The following PGR variants were observed in gnomAD, a reference collection of about 807,000 sequenced individuals.
PGR encodes progesterone receptor.
Under a neutral mutation model 76.1 loss-of-function variants are expected in PGR, and 25 were observed. That is an observed-to-expected ratio of 0.33 (90% CI 0.24 to 0.46). The LOEUF is 0.46. PGR is among the 20% of genes least tolerant of loss of function. The pLI, the probability that PGR is intolerant of heterozygous loss-of-function variation, is 1.00. For missense variants in PGR, 1,172 were observed against 1,225.3 expected, an observed-to-expected ratio of 0.96 and a Z score of 0.65; for synonymous variants, 579 against 535.0, an observed-to-expected ratio of 1.08 and a Z score of -1.14.
chr11:101,080,500 A>C (rs1007025134), intron 3 of PGR, among the ~76,000 whole-genome samples: 33 of 151,870 alleles, frequency 2.2e-4, no homozygotes, highest in African/African-American at 7.0e-4. Context: ...ACCCACATGA[A>C]AATAAGTACA....
intron 2 of PGR, among the ~76,000 whole-genome samples, chr11:101,117,648 A>T (rs1460217840): frequency 6.6e-6 from 1 of 151,950 alleles, no homozygotes; most frequent in South Asian, 2.1e-4. Context: ...CCCACCTGAA[A>T]TTTTTCTTGT....
chr11:101,123,951 C>T (rs982096357), intron 2 of PGR, among the ~76,000 whole-genome samples: 1 of 152,206 alleles, frequency 6.6e-6, no homozygotes, highest in African/African-American at 2.4e-5. Flanking sequence ...CAAGTATCAG[C>T]TCATTTAATC....
In PGR at chr11:101,127,285, C is replaced by T; in HGVS notation, c.1637+149G>A. On this transcript the variant is annotated intron_variant, in intron 1 of 7. Transcript: ENST00000325455. ...AGGGAAGAAGAAGGGAGGCAACTGC[C>T]CCTGTGCTGTGTCCCGCTGCCCACC... 8.0e-6 allele frequency: 4 copies of T among 500,290 alleles called. No homozygotes were observed. The East Asian group carries it at 1.4e-4, about 18-fold the overall frequency. 31.0% of individuals were successfully genotyped at this position (500,290 alleles called of 1,614,324 possible). A position where few individuals can be genotyped will look rare whatever the true frequency, so the allele number is the denominator to read the frequency against.
Position 101,128,506 on chromosome 11 carries a change from G to A in PGR, c.565C>T (p.Leu189=). The A allele has an allele frequency of 6.2e-7, 1 of 1,603,936 alleles. No individual in the cohort carries two copies. The highest frequency in any genetic ancestry group is 8.5e-7 in the Non-Finnish European group (1 of 1,178,270). ...AAAHKVLPRG[L]SPARQLLLPA... ...AGCAGCAGCTGCCGGGCTGGTGACA[G>A]GCCCCGGGGCAGCACTTTATGGGCA... The change falls in exon 1 of 8, where the codon CTG becomes TTG. Residue 189 remains leucine (L), a synonymous_variant. Coordinates refer to ENST00000325455, the MANE Select transcript of PGR (RefSeq NM_000926.4).
chr11:101,120,932 T>C (rs542961552), intron 2 of PGR, among the ~76,000 whole-genome samples: 1 of 152,352 alleles, frequency 6.6e-6, no homozygotes, highest in Non-Finnish European at 1.5e-5. Flanking sequence ...AAAGTACATG[T>C]TCTGAAAGAG....
At chr11:101,088,346 T>C (rs905590817) in intron 3 of PGR, among the ~76,000 whole-genome samples, 5 of 152,192 alleles carry the variant, frequency 3.3e-5, no homozygotes, top group Admixed American at 6.5e-5. Flanking sequence ...CATTTTTTTT[T>C]CTTTTGAGAC....
At chr11:101,120,100 C>A (rs185752177) in intron 2 of PGR, among the ~76,000 whole-genome samples, 1 of 152,336 alleles carries the variant, frequency 6.6e-6, no homozygotes, top group Non-Finnish European at 1.5e-5. Context: ...AATAAACTGC[C>A]ATTCTTCTCC....
chr11:101,085,524 C>CAAAAA (rs1861463966), intron 3 of PGR, among the ~76,000 whole-genome samples: 6 of 14,306 alleles, frequency 4.2e-4, no homozygotes, highest in East Asian at 1.5e-3. Context: ...CCTAGAGGAA[C>CAAAAA]TAAAAAAAAA....
chr11:101,122,358 C>A (rs1862707357), intron 2 of PGR, among the ~76,000 whole-genome samples: 1 of 152,174 alleles, frequency 6.6e-6, no homozygotes, highest in Non-Finnish European at 1.5e-5. Flanking sequence ...GTTATGATGA[C>A]TGGATCATGT....
Position 101,037,111 on chromosome 11 carries a change from T to G in PGR, c.*2005A>C. 1 of 197,166 alleles carries G rather than the reference T, an allele frequency of 5.1e-6. No homozygotes were observed. 12.2% of individuals were successfully genotyped at this position (197,166 alleles called of 1,614,324 possible). On this transcript the variant is annotated 3_prime_UTR_variant, in exon 8 of 8. Transcript: ENST00000325455. Reference sequence around the variant, plus strand: ...AAAATACTTTTTTCTTGGGATGACATTTGTGGGGAAAATATATTGAAAGCC... The same window carrying G: ...AAAATACTTTTTTCTTGGGATGACAGTTGTGGGGAAAATATATTGAAAGCC...
chr11:101,109,419 A>G (rs1343327156), intron 2 of PGR, among the ~76,000 whole-genome samples: 2 of 152,206 alleles, frequency 1.3e-5, no homozygotes, highest in African/African-American at 4.8e-5. Flanking sequence ...ATGATAAGAA[A>G]GCAAAAAAAC....
At chr11:101,080,334 A>C (rs977276554) in intron 3 of PGR, among the ~76,000 whole-genome samples, 1 of 152,130 alleles carries the variant, frequency 6.6e-6, no homozygotes, top group Non-Finnish European at 1.5e-5. Flanking sequence ...CTGCTGAAAG[A>C]AGCACATAGG....
intron 2 of PGR, among the ~76,000 whole-genome samples, chr11:101,107,056 C>T (rs927460932): frequency 2.0e-5 from 3 of 151,982 alleles, no homozygotes; most frequent in African/African-American, 7.3e-5. Context: ...ATACCTGGGC[C>T]TGTCAGGGGA....
At position 101,032,769 on chromosome 11, in the gene PGR, A is replaced by C. The variant is rs1859391171; in HGVS notation, c.*6347T>G. 7 of 197,612 alleles carry C rather than the reference A, an allele frequency of 3.5e-5. No individual in the cohort carries two copies. The East Asian group carries it at 5.5e-4, about 16-fold the overall frequency. The allele number at this position is 197,612 out of a possible 1,614,324, so 12.2% of individuals were successfully genotyped here. A position where few individuals can be genotyped will look rare whatever the true frequency, so the allele number is the denominator to read the frequency against. On this transcript the variant is annotated 3_prime_UTR_variant, in exon 8 of 8. Transcript: ENST00000325455. ...CCTCCAGCATAAGCATTCACAGTACAATATTGTAGCTATCTGTTTACCTGT... is the reference window on the plus strand; with the variant it reads ...CCTCCAGCATAAGCATTCACAGTACCATATTGTAGCTATCTGTTTACCTGT...
intron 2 of PGR, among the ~76,000 whole-genome samples, chr11:101,108,060 C>A (rs192493779): frequency 6.6e-6 from 1 of 151,272 alleles, no homozygotes; most frequent in Admixed American, 6.6e-5. Context: ...TTGAGACCAG[C>A]CTAGCCAACA....
chr11:101,110,440 C>A (rs1862309367), intron 2 of PGR, among the ~76,000 whole-genome samples: 1 of 152,092 alleles, frequency 6.6e-6, no homozygotes, highest in South Asian at 2.1e-4. Flanking sequence ...GAAGTAACTG[C>A]ATATGTGGTA....
rs11571260 is a variant in PGR, at chr11:101,041,175, T to G, written c.2646+770A>C. Among the ~76,000 whole-genome samples the G allele has an allele frequency of 1.9e-3, 283 of 152,186 alleles. 2 individuals carry two copies. The highest frequency in any genetic ancestry group is 6.6e-3 in the African/African-American group (275 of 41,564). On this transcript the variant is annotated intron_variant, in intron 7 of 7. Transcript: ENST00000325455. ...TCAAGTTTCTTTTTATTTTGCTTTC[T>G]GCCTTTCATTTTAGAGGCTTTACTC...
intron 4 of PGR, among the ~76,000 whole-genome samples, chr11:101,061,918 G>T (rs186201863): frequency 6.6e-6 from 1 of 152,244 alleles, no homozygotes; most frequent in Admixed American, 6.5e-5. Flanking sequence ...TAAATTAGAG[G>T]AATAGTGACT....
At chr11:101,089,024 AGGAG>A (rs1040009018) in intron 3 of PGR, among the ~76,000 whole-genome samples, 1 of 152,202 alleles carries the variant, frequency 6.6e-6, no homozygotes, top group African/African-American at 2.4e-5. Flanking sequence ...GGACTACTAG[AGGAG>A]GAAGGAAGAA....
Sources: allele counts gnomAD v4.1 joint callset (sites outside exome capture counted in the v4.1 genomes callset), GRCh38; gene constraint gnomAD v4.1.1; transcripts MANE v1.5; gene names NCBI Gene and HGNC (gene_info 2026-07-23, HGNC 2026-07-21).